Variants in LCP1 observed in about 807,000 individuals in gnomAD.
LCP1 encodes lymphocyte cytosolic protein 1.
A neutral mutation model predicts 72.0 loss-of-function variants in LCP1; 23 were observed. The observed-to-expected ratio is 0.32, with a 90% CI of 0.23 to 0.45. The LOEUF (loss-of-function observed/expected upper bound fraction) is 0.45. Ranked by LOEUF, LCP1 falls within the 20% of genes least tolerant of loss-of-function variation. The pLI is 1.00. For synonymous variants in LCP1, 245 were observed against 275.4 expected (o/e 0.89, Z 1.09); for missense variants, 571 against 748.3 (o/e 0.76, Z 2.76).
At chr13:46,136,520 T>A (rs1035467434) in intron 13 of LCP1, among the ~76,000 whole-genome samples, 3 of 151,948 alleles carry the variant, frequency 2.0e-5, no homozygotes, top group Non-Finnish European at 4.4e-5. Context: ...AAGAAAGATG[T>A]TTAGTCTGGT....
intron 1 of LCP1, among the ~76,000 whole-genome samples, chr13:46,160,693 A>G (rs2045832596): frequency 1.3e-5 from 2 of 152,156 alleles, no homozygotes; most frequent in South Asian, 4.1e-4. Flanking sequence ...AAGAAAATAA[A>G]ACAGAAAATG....
chr13:46,152,815 C>T lies in LCP1; in HGVS notation c.704G>A (p.Gly235Glu). 6.2e-7 allele frequency: 1 copy of T among 1,614,004 alleles called. No individual in the cohort carries two copies. Among genetic ancestry groups the T allele is most frequent in the Non-Finnish European group, 8.5e-7 (1 of 1,179,996 alleles). ...LGLLWQVIKIGLFADIELSRN... is the reference protein window; with the variant it reads ...LGLLWQVIKIELFADIELSRN... ...GCTGAGTTCAATGTCAGCAAACAAC[C>T]CAATCTTGATGACTTGCCACAGAAG... Residue 235 changes from glycine (G) to glutamate (E), a missense_variant, in exon 7 of 16, where the codon GGG (glycine) becomes GAG (glutamate). By Grantham distance (98) the Gly-to-Glu change is moderately conservative. Coordinates refer to ENST00000323076, the MANE Select transcript of LCP1 (RefSeq NM_002298.5).
At chr13:46,147,885 T>G (rs960034924) in intron 9 of LCP1, among the ~76,000 whole-genome samples, 3 of 152,160 alleles carry the variant, frequency 2.0e-5, no homozygotes, top group African/African-American at 7.2e-5. Flanking sequence ...ACATTATGCA[T>G]TTCATGAGCT....
intron 1 of LCP1, among the ~76,000 whole-genome samples, chr13:46,173,864 AGAGTGGAAAAAT>A (rs2045915442): frequency 6.6e-6 from 1 of 152,228 alleles, no homozygotes; most frequent in Non-Finnish European, 1.5e-5. Context: ...AAGTATGGCC[AGAGTGGAAAAAT>A]GTACAGCAAT....
intron 1 of LCP1, among the ~76,000 whole-genome samples, chr13:46,177,711 AAC>A (rs992667556): frequency 1.3e-5 from 2 of 152,078 alleles, no homozygotes; most frequent in African/African-American, 4.8e-5. Flanking sequence ...AAAACAAACA[AAC>A]AAACAAACAA....
At chr13:46,152,601 C>T (rs2045775663) in intron 7 of LCP1, among the ~76,000 whole-genome samples, 179 bp downstream of exon 7, 1 of 152,166 alleles carries the variant, frequency 6.6e-6, no homozygotes, top group Non-Finnish European at 1.5e-5. Context: ...AAAGCTTTTG[C>T]TCTATCATTA....
Position 46,158,512 on chromosome 13 carries a change from T to C in LCP1, c.358+10A>G, listed in dbSNP as rs1239904488. 3 of 1,612,238 alleles carry C rather than the reference T, an allele frequency of 1.9e-6. No individual in the cohort carries two copies. The highest frequency in any genetic ancestry group is 2.7e-5 in the African/African-American group (2 of 74,860). On this transcript the variant is annotated intron_variant, in intron 4 of 15. Coordinates refer to ENST00000323076, the MANE Select transcript of LCP1 (RefSeq NM_002298.5). ...CTGAAATCCTGCTCCAACCCAGGAG[T>C]TGAGCCTACCTGAATAGGAGTGTTG...
intron 1 of LCP1, among the ~76,000 whole-genome samples, chr13:46,177,864 T>A (rs561750951): frequency 3.3e-5 from 5 of 152,182 alleles, no homozygotes; most frequent in African/African-American, 7.2e-5. Flanking sequence ...CTGCTGCTGC[T>A]GCTGCTGATG....
At chr13:46,150,827 C>T (rs945909820) in intron 8 of LCP1, 109 bp downstream of exon 8, 1 of 1,246,694 alleles carries the variant, frequency 8.0e-7, no homozygotes, top group Non-Finnish European at 1.1e-6. Flanking sequence ...ACCAGACTAC[C>T]CTGGAACTTC....
At chr13:46,158,679 A>G in intron 3 of LCP1, 28 bp from the exon 4 acceptor site, 4 of 1,613,366 alleles carry the variant, frequency 2.5e-6, no homozygotes, top group Non-Finnish European at 3.4e-6. Context: ...ATCTTTAGAA[A>G]CTCAAGCAGT....
intron 6 of LCP1, among the ~76,000 whole-genome samples, chr13:46,154,423 A>G (rs1021670921): frequency 6.6e-6 from 1 of 152,248 alleles, no homozygotes; most frequent in African/African-American, 2.4e-5. Flanking sequence ...CAAAATTACT[A>G]TGAAGGCTGC....
At chr13:46,143,112 G>A (rs571007911) in intron 12 of LCP1, among the ~76,000 whole-genome samples, 178 bp downstream of exon 12, 6 of 152,276 alleles carry the variant, frequency 3.9e-5, no homozygotes, top group African/African-American at 7.2e-5. Context: ...ATAAGCAATT[G>A]ACTGAAATAA....
intron 6 of LCP1, 110 bp from the exon 7 acceptor site, chr13:46,153,055 G>A: frequency 9.5e-7 from 1 of 1,047,360 alleles, no homozygotes; most frequent in South Asian, 1.7e-5. Flanking sequence ...CAGGTTTAGA[G>A]TCATGGTCTT....
intron 11 of LCP1, among the ~76,000 whole-genome samples, chr13:46,143,974 G>C (rs2045714348): frequency 6.6e-6 from 1 of 152,110 alleles, no homozygotes; most frequent in Non-Finnish European, 1.5e-5. Context: ...GCTGAGGCAG[G>C]AGAATGGCGT....
At chr13:46,141,812 T>C (rs1459348444) in intron 13 of LCP1, among the ~76,000 whole-genome samples, 1 of 152,172 alleles carries the variant, frequency 6.6e-6, no homozygotes, top group African/African-American at 2.4e-5. Flanking sequence ...AATGTGTAGA[T>C]AAATATAGCA....
rs1189479765 is a variant in LCP1, at chr13:46,126,318, A to T, written c.*1273T>A. ...TTAGCCTTCAGTTGGTTTAGGGGGAAATTGCTCAACCTATGAGACCTGCTC... is the reference window on the plus strand; with the variant it reads ...TTAGCCTTCAGTTGGTTTAGGGGGATATTGCTCAACCTATGAGACCTGCTC... On this transcript the variant is annotated 3_prime_UTR_variant, in exon 16 of 16. Transcript: ENST00000323076. 3 of 229,328 alleles carry T rather than the reference A, an allele frequency of 1.3e-5. No homozygotes were observed. Among genetic ancestry groups the T allele is most frequent in the Non-Finnish European group, 2.6e-5 (3 of 115,610 alleles). 14.2% of individuals were successfully genotyped at this position (229,328 alleles called of 1,614,324 possible).
At chr13:46,161,519 A>G (rs776847487) in intron 1 of LCP1, among the ~76,000 whole-genome samples, 3 of 152,270 alleles carry the variant, frequency 2.0e-5, no homozygotes, top group South Asian at 2.1e-4. Context: ...GGCACTGGCT[A>G]TCTGGCTTTC....
At chr13:46,148,287 G>T in intron 9 of LCP1, 65 bp downstream of exon 9, 1 of 1,150,300 alleles carries the variant, frequency 8.7e-7, no homozygotes, top group Non-Finnish European at 1.3e-6. Flanking sequence ...GCCACACAAG[G>T]TAATGGAACT....
At chr13:46,151,571 A>G (rs994969266) in intron 7 of LCP1, among the ~76,000 whole-genome samples, 2 of 152,232 alleles carry the variant, frequency 1.3e-5, no homozygotes, top group Non-Finnish European at 2.9e-5. Context: ...ACGTTTTCCC[A>G]GATGAGTAAG....
Sources: gnomAD v4.1 joint callset for allele counts (sites outside exome capture counted in the v4.1 genomes callset) on GRCh38, gnomAD v4.1.1 for gene constraint, MANE v1.5 for transcripts, NCBI Gene and HGNC (gene_info 2026-07-23, HGNC 2026-07-21) for gene names.